POU2F3: variants seen among roughly 807,000 people sequenced by gnomAD.
POU2F3 encodes the protein POU domain, class 2, transcription factor 3.
POU2F3 carries 23 observed loss-of-function variants against 59.2 expected under a neutral mutation model. The ratio of observed to expected loss-of-function variants is 0.39; its 90% CI spans 0.28 to 0.55. POU2F3 has a LOEUF of 0.55. Among genes scored for constraint, POU2F3 ranks in the 20% least tolerant of loss-of-function variants. The probability of loss-of-function intolerance (pLI) is 0.66; values close to 1 mark genes in which losing one functional copy is unlikely to be tolerated. For missense variants in POU2F3, 473 were observed against 544.5 expected (o/e 0.87, Z 1.31); for synonymous variants, 190 against 214.6 (o/e 0.89, Z 1.00).
In POU2F3 at chr11:120,315,553, G is replaced by T. The variant is rs546176665; in HGVS notation, c.1135+126G>T. On this transcript the variant is annotated intron_variant, in intron 11 of 12. Transcript: ENST00000543440. ...CATTTCAAAGGATATTAAAATCTGT[G>T]TTGGGAAAAAAGGGTTCTGTGATCA... 78 of 920,686 alleles carry T rather than the reference G, an allele frequency of 8.5e-5. 2 individuals carry two copies. In the South Asian group the frequency reaches 1.3e-3, roughly 15 times the overall value. 57.0% of individuals were successfully genotyped at this position (920,686 alleles called of 1,614,324 possible). A position where few individuals can be genotyped will look rare whatever the true frequency, so the allele number is the denominator to read the frequency against.
intron 3 of POU2F3, among the ~76,000 whole-genome samples, chr11:120,272,543 G>C (rs1940121730): frequency 1.3e-5 from 2 of 152,362 alleles, no homozygotes; most frequent in South Asian, 4.1e-4. Context: ...CAGGGGAGCA[G>C]AGAAAGAGCC....
intron 10 of POU2F3, among the ~76,000 whole-genome samples, chr11:120,310,810 G>A (rs1170926963): frequency 6.6e-6 from 1 of 152,138 alleles, no homozygotes; most frequent in Non-Finnish European, 1.5e-5. Flanking sequence ...GCCAAGTGCT[G>A]GGGATACAAA....
At chr11:120,249,347 T>C (rs1939003318) in intron 2 of POU2F3, among the ~76,000 whole-genome samples, 1 of 152,188 alleles carries the variant, frequency 6.6e-6, no homozygotes, top group Non-Finnish European at 1.5e-5. Context: ...TTGTTACTTT[T>C]CCTCCACTTC....
intron 9 of POU2F3, among the ~76,000 whole-genome samples, chr11:120,308,025 A>T (rs899137540): frequency 1.3e-5 from 2 of 152,108 alleles, no homozygotes; most frequent in African/African-American, 4.8e-5. Context: ...AATGTAATAA[A>T]TGCTTATTGT....
At chr11:120,236,793 C>T (rs1426145948), upstream of POU2F3, 10 of 1,299,532 alleles carry the variant, frequency 7.7e-6, no homozygotes, top group Middle Eastern at 1.8e-4. Flanking sequence ...ATAAAGATTG[C>T]TCACCATTCC....
At chr11:120,299,250 G>A (rs1941276777) in intron 4 of POU2F3, among the ~76,000 whole-genome samples, 1 of 152,226 alleles carries the variant, frequency 6.6e-6, no homozygotes, top group Non-Finnish European at 1.5e-5. Flanking sequence ...AAAAAGAATT[G>A]GATAGTTGGG....
chr11:120,267,064 C>T (rs1295713266), intron 2 of POU2F3, among the ~76,000 whole-genome samples: 1 of 152,042 alleles, frequency 6.6e-6, no homozygotes, highest in Non-Finnish European at 1.5e-5. Flanking sequence ...ATTTTACCTT[C>T]ATCTACCCCT....
At chr11:120,240,413 C>A in intron 1 of POU2F3, 42 bp downstream of exon 1, 1 of 1,359,432 alleles carries the variant, frequency 7.4e-7, no homozygotes, top group South Asian at 2.2e-5. Context: ...TGTCACTGCG[C>A]GTGGGCAGGG....
At chr11:120,288,429 C>T (rs540968394) in intron 3 of POU2F3, among the ~76,000 whole-genome samples, 70 of 152,330 alleles carry the variant, frequency 4.6e-4, no homozygotes, top group African/African-American at 1.6e-3. Context: ...TGAAAATCCA[C>T]TTCTTTAGGA....
chr11:120,274,088 AAAGGAAGGAAGGAAGGAAGAAAGGAAGG>A (rs1163619084), intron 3 of POU2F3, among the ~76,000 whole-genome samples: 39 of 95,562 alleles, frequency 4.1e-4, no homozygotes, highest in African/African-American at 1.6e-3. Context: ...AGAGAGAAAG[AAAGGAAGGAAGGAAGGAAGAAAGGAAGG>A]AAGGAAGGAA....
intron 2 of POU2F3, among the ~76,000 whole-genome samples, chr11:120,250,778 C>A (rs1331215672): frequency 6.6e-6 from 1 of 152,126 alleles, no homozygotes; most frequent in African/African-American, 2.4e-5. Context: ...GAGTTCAAGA[C>A]CAACCTGGAC....
At position 120,318,253 on chromosome 11, in the gene POU2F3, C is replaced by T. The variant is rs572102773; in HGVS notation, c.1272-100C>T. On this transcript the variant is annotated intron_variant, in intron 12 of 12. Transcript: ENST00000543440. ...TAATTCCAGGATGTTTTTATTACTC[C>T]TACCTGCAAAAGCCCCTGTACCTGC... 4.7e-5 allele frequency: 53 copies of T among 1,131,276 alleles called. No individual in the cohort carries two copies. In the African/African-American group the frequency reaches 7.9e-4, roughly 17 times the overall value. 70.1% of individuals were successfully genotyped at this position (1,131,276 alleles called of 1,614,324 possible). A position where few individuals can be genotyped will look rare whatever the true frequency, so the allele number is the denominator to read the frequency against.
Position 120,240,380 on chromosome 11 carries a change from C to T in POU2F3, c.28+9C>T. On this transcript the variant is annotated intron_variant, in intron 1 of 12. Transcript: ENST00000543440. Reference sequence around the variant, plus strand: ...GGAGTCCATGCACACAGGTGAGGGGCGGAGGGAATGAGCTCTGACAGGTGT... The same window carrying T: ...GGAGTCCATGCACACAGGTGAGGGGTGGAGGGAATGAGCTCTGACAGGTGT... The T allele has an allele frequency of 4.2e-6, 6 of 1,420,894 alleles. No individual in the cohort carries two copies. The highest frequency in any genetic ancestry group is 1.8e-5 in the South Asian group (1 of 56,340). The allele number at this position is 1,420,894 out of a possible 1,614,324, so 88.0% of individuals were successfully genotyped here.
chr11:120,315,462 G>C (rs1296620812), intron 11 of POU2F3, 35 bp downstream of exon 11: 2 of 1,579,578 alleles, frequency 1.3e-6, no homozygotes, highest in African/African-American at 2.7e-5. Flanking sequence ...AAGAACACCA[G>C]AATTCTTTTA....
intron 2 of POU2F3, among the ~76,000 whole-genome samples, chr11:120,257,593 G>A (rs1939397778): frequency 6.6e-6 from 1 of 152,028 alleles, no homozygotes; most frequent in Non-Finnish European, 1.5e-5. Context: ...CTCCAGCCCT[G>A]GGGACACCAC....
intron 2 of POU2F3, among the ~76,000 whole-genome samples, chr11:120,268,496 A>T (rs1490404207): frequency 2.0e-5 from 3 of 151,980 alleles, no homozygotes; most frequent in Non-Finnish European, 4.4e-5. Context: ...ATGTGCCATT[A>T]TGCCTGGCTA....
intron 3 of POU2F3, among the ~76,000 whole-genome samples, chr11:120,270,501 T>C (rs1253401340): frequency 6.6e-6 from 1 of 152,128 alleles, no homozygotes; most frequent in African/African-American, 2.4e-5. Context: ...GTAGGAAGTT[T>C]TAGTCAGAGA....
intron 3 of POU2F3, among the ~76,000 whole-genome samples, chr11:120,290,603 A>G (rs1940985604): frequency 6.6e-6 from 1 of 152,198 alleles, no homozygotes; most frequent in Admixed American, 6.5e-5. Flanking sequence ...TGTTGCTTAA[A>G]TTCTCTGAGC....
At chr11:120,299,853 A>T (rs940977337) in intron 5 of POU2F3, 127 bp downstream of exon 5, 1 of 715,730 alleles carries the variant, frequency 1.4e-6, no homozygotes, top group African/African-American at 1.8e-5. Flanking sequence ...TGCTATTAAG[A>T]CCTACTTATC....
Sources: gnomAD v4.1 joint callset for allele counts (sites outside exome capture counted in the v4.1 genomes callset) on GRCh38, gnomAD v4.1.1 for gene constraint, MANE v1.5 for transcripts, NCBI Gene and HGNC (gene_info 2026-07-23, HGNC 2026-07-21) for gene names.